The following DENND2B variants were observed in gnomAD, a reference collection of about 807,000 sequenced individuals.
The protein encoded by DENND2B is DENN domain containing 2B, also known as DENN domain-containing protein 2B.
DENND2B carries 32 observed loss-of-function variants against 116.0 expected under a neutral mutation model. The ratio of observed to expected loss-of-function variants is 0.28; its 90% confidence interval spans 0.21 to 0.37. The LOEUF (loss-of-function observed/expected upper bound fraction) is 0.37, where lower values mean the gene tolerates loss of function less well. Among genes scored for constraint, DENND2B ranks in the 10% least tolerant of loss-of-function variants. DENND2B has a pLI of 1.00. For synonymous variants in DENND2B, 588 were observed against 583.9 expected, an observed-to-expected ratio of 1.01 and a Z score of -0.10; for missense variants, 1,276 against 1,477.7, an observed-to-expected ratio of 0.86 and a Z score of 2.24.
intron 1 of DENND2B, among the ~76,000 whole-genome samples, chr11:8,892,983 A>G (rs1015172365): frequency 6.6e-5 from 10 of 152,234 alleles, no homozygotes; most frequent in African/African-American, 1.9e-4. Flanking sequence ...GTGAACATCA[A>G]TGCAAAAATC....
intron 1 of DENND2B, chr11:8,776,351 G>A (rs1011739231): frequency 5.8e-5 from 24 of 411,544 alleles, no homozygotes; most frequent in Non-Finnish European, 1.1e-4. Flanking sequence ...AAGGTCCCCT[G>A]AAGCTCAGGC....
intron 4 of DENND2B, among the ~76,000 whole-genome samples, chr11:8,828,370 A>G (rs1454225447): frequency 1.3e-5 from 2 of 152,166 alleles, no homozygotes; most frequent in African/African-American, 2.4e-5. Context: ...GCCCTGGGCA[A>G]AGCAAAGCCT....
intron 1 of DENND2B, among the ~76,000 whole-genome samples, chr11:8,790,879 G>A (rs1487721845): frequency 6.6e-6 from 1 of 152,148 alleles, no homozygotes; most frequent in African/African-American, 2.4e-5. Context: ...TTCTGAGTTC[G>A]CAAGTTCACA....
intron 1 of DENND2B, among the ~76,000 whole-genome samples, chr11:8,806,997 T>C (rs2060921331): frequency 6.6e-6 from 1 of 151,958 alleles, no homozygotes; most frequent in Non-Finnish European, 1.5e-5. Context: ...AGAACTCAAT[T>C]ATCTGCCTGC....
upstream of DENND2B, among the ~76,000 whole-genome samples, chr11:8,872,504 A>G (rs921338324): frequency 1.3e-5 from 2 of 148,826 alleles, no homozygotes. Context: ...AAAAAAAAAG[A>G]AAAAAAAAGA....
chr11:8,715,993 G>T (rs1183046620), intron 5 of DENND2B, among the ~76,000 whole-genome samples, 175 bp from the exon 6 acceptor site: 1 of 152,220 alleles, frequency 6.6e-6, no homozygotes. Flanking sequence ...CCAGGTCAGG[G>T]ATAGATTAGA....
At chr11:8,870,034 G>A (rs945478359) in intron 2 of DENND2B, among the ~76,000 whole-genome samples, 2 of 152,224 alleles carry the variant, frequency 1.3e-5, no homozygotes, top group Non-Finnish European at 2.9e-5. Flanking sequence ...AAAATGGCCA[G>A]TTGCAGTGTG....
intron 4 of DENND2B, among the ~76,000 whole-genome samples, chr11:8,724,495 C>T (rs976229619): frequency 2.6e-4 from 39 of 152,208 alleles, no homozygotes; most frequent in African/African-American, 8.7e-4. Flanking sequence ...TACACTGACA[C>T]GCACACTTCA....
chr11:8,844,451 TACA>T (rs1353885006), intron 3 of DENND2B, among the ~76,000 whole-genome samples: 2 of 152,182 alleles, frequency 1.3e-5, no homozygotes, highest in African/African-American at 4.8e-5. Flanking sequence ...TTAAATTAAA[TACA>T]ACATTACTCT....
At chr11:8,784,460 A>C (rs2058702758) in intron 1 of DENND2B, 1 of 152,124 alleles carries the variant, frequency 6.6e-6, no homozygotes, top group African/African-American at 2.4e-5. Flanking sequence ...AAGGAGACAA[A>C]AGCAATGACA....
chr11:8,886,287 G>A (rs1180544948), intron 1 of DENND2B, among the ~76,000 whole-genome samples: 2 of 152,072 alleles, frequency 1.3e-5, no homozygotes, highest in South Asian at 4.1e-4. Flanking sequence ...TTAAGGCTTT[G>A]CCTTTTCTAC....
At chr11:8,806,638 A>ACACACACACACACACACC (rs1017645452) in intron 1 of DENND2B, among the ~76,000 whole-genome samples, 139 of 150,988 alleles carry the variant, frequency 9.2e-4, no homozygotes, top group African/African-American at 2.3e-3. Flanking sequence ...ACACACACAC[A>ACACACACACACACACACC]CCCAGGAGAG....
intron 2 of DENND2B, among the ~76,000 whole-genome samples, chr11:8,864,693 G>A (rs929938107): frequency 3.3e-5 from 5 of 152,230 alleles, no homozygotes; most frequent in South Asian, 2.1e-4. Context: ...TGCTTTTTCC[G>A]CAGGAGATAT....
In DENND2B at chr11:8,729,974, C is replaced by G. The variant is rs779806102; in HGVS notation, c.1316G>C (p.Arg439Pro). Residue 439 changes from arginine to proline, a missense_variant, in exon 3 of 20, where the codon CGT becomes CCT. Around this residue, in one of 2 missense-constraint regions of DENND2B, gnomAD observed 856 missense variants for 846.6 expected, o/e 1.01. Transcript: ENST00000313726. ...PVTRRPKKDM[R>P]GHRKSQSRKS... ...CCTGCTCTGGGACTTGCGGTGACCA[C>G]GCATGTCCTTCTTGGGTCTCCGGGT... is the stretch of plus-strand genomic sequence containing the variant. 6.2e-7 allele frequency: 1 copy of G among 1,614,010 alleles called. No homozygotes were observed.
intron 1 of DENND2B, among the ~76,000 whole-genome samples, chr11:8,779,934 G>A (rs2058205318): frequency 6.6e-6 from 1 of 152,320 alleles, no homozygotes; most frequent in Admixed American, 6.5e-5. Context: ...CAAGGCTCCT[G>A]CTCCCACGGT....
At chr11:8,866,152 G>A (rs2063571453) in intron 2 of DENND2B, among the ~76,000 whole-genome samples, 2 of 152,004 alleles carry the variant, frequency 1.3e-5, no homozygotes, top group Non-Finnish European at 2.9e-5. Flanking sequence ...GTAGAGACGG[G>A]GTTTCACCGT....
chr11:8,890,437 T>G (rs1326347181), intron 1 of DENND2B, among the ~76,000 whole-genome samples: 1 of 152,116 alleles, frequency 6.6e-6, no homozygotes, highest in Non-Finnish European at 1.5e-5. Context: ...ATGATCAAAC[T>G]TCTCTGAGCT....
Position 8,710,921 on chromosome 11 carries a change from C to A in DENND2B, c.2283-7G>T, listed in dbSNP as rs778966906. On this transcript the variant is annotated splice_polypyrimidine_tract_variant and splice_region_variant and intron_variant, in intron 10 of 19. Transcript: ENST00000313726. ...CATGAAAGAAAAGGTCTCACTGGAA[C>A]AAAGAGAGGTCTGGCATCAGGGAGG... The A allele has an allele frequency of 4.3e-6, 7 of 1,613,908 alleles. No individual in the cohort carries two copies. Among genetic ancestry groups the A allele is most frequent in the African/African-American group, 4.0e-5 (3 of 74,906 alleles).
rs1274849009 is a variant in DENND2B at position 8,696,648 on chromosome 11, C to A, written c.3071G>T (p.Gly1024Val). The change falls in exon 18 of 20, where the codon GGG becomes GTG. Residue 1024 changes from glycine (G) to valine (V), a missense_variant. Transcript: ENST00000313726. ...DSDDECNTLN[G>V]LVSEVFIRFF... ...CCGGATAAACACCTCCGACACCAGC[C>A]CATTGAGGGTATTACATTCTGGAAG... 1 of 1,614,022 alleles carries A rather than the reference C, an allele frequency of 6.2e-7. No homozygotes were observed. The highest frequency in any genetic ancestry group is 1.7e-5 in the Admixed American group (1 of 60,004).
Sources: allele counts gnomAD v4.1 joint callset (sites outside exome capture counted in the v4.1 genomes callset), GRCh38; gene constraint gnomAD v4.1.1; regional missense constraint gnomAD v4.1.1; transcripts MANE v1.5; gene names NCBI Gene and HGNC (gene_info 2026-07-23, HGNC 2026-07-21).